PDLIM5: variants seen among roughly 807,000 people sequenced by gnomAD.
PDLIM5 encodes PDZ and LIM domain protein 5.
In PDLIM5, 34 loss-of-function variants were observed where a neutral mutation model predicts 64.2. That is an observed-to-expected ratio of 0.53 (90% CI 0.40 to 0.71). PDLIM5 has a LOEUF of 0.71. Among genes scored for constraint, PDLIM5 ranks in the 30% least tolerant of loss-of-function variants. The pLI is 0.00. For missense variants in PDLIM5, 683 were observed against 733.6 expected (o/e 0.93, Z 0.80); for synonymous variants, 253 against 269.1 (o/e 0.94, Z 0.59).
intron 7 of PDLIM5, chr4:94,608,154 C>A: frequency 6.5e-7 from 1 of 1,530,844 alleles, no homozygotes; most frequent in Non-Finnish European, 8.8e-7. Flanking sequence ...GCCACACTTT[C>A]TAAAGTAGCA....
intron 5 of PDLIM5, 72 bp from the exon 6 acceptor site, chr4:94,585,493 T>G: frequency 1.2e-6 from 1 of 843,156 alleles, no homozygotes; most frequent in Non-Finnish European, 1.7e-6. Flanking sequence ...TTATAAATAA[T>G]TTAGTAGAAG....
chr4:94,594,529 A>G (rs893731205), intron 7 of PDLIM5, among the ~76,000 whole-genome samples: 5 of 152,094 alleles, frequency 3.3e-5, no homozygotes, highest in Non-Finnish European at 5.9e-5. Flanking sequence ...TTAATAATAT[A>G]TGGCCTACCA....
intron 3 of PDLIM5, among the ~76,000 whole-genome samples, chr4:94,572,157 TA>T (rs1421266755): frequency 6.6e-6 from 1 of 152,162 alleles, no homozygotes; most frequent in Non-Finnish European, 1.5e-5. Context: ...GCTCATGGTT[TA>T]TAGCTTAAAA....
intron 8 of PDLIM5, among the ~76,000 whole-genome samples, chr4:94,621,675 A>G (rs1195709022): frequency 6.6e-6 from 1 of 152,194 alleles, no homozygotes; most frequent in African/African-American, 2.4e-5. Context: ...TGGCGAATAT[A>G]GTACAGCAAA....
At chr4:94,589,558 T>C (rs1203431386) in intron 7 of PDLIM5, among the ~76,000 whole-genome samples, 5 of 152,162 alleles carry the variant, frequency 3.3e-5, no homozygotes, top group Non-Finnish European at 5.9e-5. Context: ...TAGCCAAAAA[T>C]TATAAAAGCT....
At chr4:94,567,903 C>G (rs765282466) in intron 3 of PDLIM5, among the ~76,000 whole-genome samples, 2 of 152,214 alleles carry the variant, frequency 1.3e-5, no homozygotes, top group African/African-American at 2.4e-5. Flanking sequence ...TATGGAAGTT[C>G]AGATGGATCA....
chr4:94,665,982 A>AACAG lies in PDLIM5; in HGVS notation c.*1917_*1920dup. The AACAG allele has an allele frequency of 8.5e-6, 13 of 1,532,862 alleles. No homozygotes were observed. The highest frequency in any genetic ancestry group is 1.0e-5 in the Non-Finnish European group (12 of 1,145,072). 95.0% of individuals were successfully genotyped at this position (1,532,862 alleles called of 1,614,324 possible). ...CCTGTTGCTATTTGCCCAGTGAGAA[A>AACAG]ACAGATTCTGGTATTTGATTTGGTT... On this transcript the variant is annotated 3_prime_UTR_variant, in exon 13 of 13. Transcript: ENST00000317968.
At chr4:94,499,537 A>C (rs1026730391) in intron 2 of PDLIM5, among the ~76,000 whole-genome samples, 3 of 152,238 alleles carry the variant, frequency 2.0e-5, no homozygotes, top group Non-Finnish European at 4.4e-5. Context: ...AACAGTTTAC[A>C]TAGCATTTAC....
chr4:94,525,354 G>A (rs1023229120), intron 3 of PDLIM5, among the ~76,000 whole-genome samples: 1 of 152,094 alleles, frequency 6.6e-6, no homozygotes. Context: ...AGAGGTGGAG[G>A]TTGCAGTGAG....
intron 9 of PDLIM5, among the ~76,000 whole-genome samples, 196 bp from the exon 10 acceptor site, chr4:94,654,264 G>A (rs757634956): frequency 2.0e-5 from 3 of 152,106 alleles, no homozygotes; most frequent in Non-Finnish European, 4.4e-5. Context: ...TTAAGTGCAC[G>A]TCTCCCGTTT....
At chr4:94,552,355 G>A (rs1340841142) in intron 3 of PDLIM5, among the ~76,000 whole-genome samples, 3 of 151,984 alleles carry the variant, frequency 2.0e-5, no homozygotes, top group Admixed American at 6.6e-5. Context: ...AAAGAAATGT[G>A]GGCAACATTC....
chr4:94,456,199 TAC>T (rs943096803), intron 2 of PDLIM5: 3 of 460,830 alleles, frequency 6.5e-6, no homozygotes, highest in African/African-American at 2.0e-5. Context: ...TGGCATATTA[TAC>T]ACACAGTTTT....
intron 2 of PDLIM5, among the ~76,000 whole-genome samples, chr4:94,507,846 C>T (rs1005599928): frequency 1.3e-5 from 2 of 152,208 alleles, no homozygotes; most frequent in African/African-American, 4.8e-5. Flanking sequence ...GAGGATGAAT[C>T]AGCAGACAGT....
intron 5 of PDLIM5, among the ~76,000 whole-genome samples, chr4:94,578,350 A>C (rs1018303005): frequency 6.6e-6 from 1 of 152,216 alleles, no homozygotes; most frequent in Admixed American, 6.5e-5. Flanking sequence ...AGTGTTTATT[A>C]AGCACATGCC....
chr4:94,580,570 C>T (rs1735648027), intron 5 of PDLIM5, among the ~76,000 whole-genome samples: 2 of 151,828 alleles, frequency 1.3e-5, no homozygotes, highest in East Asian at 3.9e-4. Flanking sequence ...GGGAGAATGG[C>T]GTTTGGAAAA....
chr4:94,468,575 T>C (rs530369044), intron 2 of PDLIM5, among the ~76,000 whole-genome samples: 1 of 152,348 alleles, frequency 6.6e-6, no homozygotes, highest in South Asian at 2.1e-4. Context: ...ATATGGAGAT[T>C]AGGAGAGCCT....
intron 2 of PDLIM5, among the ~76,000 whole-genome samples, chr4:94,476,456 A>G (rs191703553): frequency 5.9e-5 from 9 of 152,324 alleles, no homozygotes; most frequent in Admixed American, 2.0e-4. Flanking sequence ...TTGAAACTGC[A>G]TAGGAAACAA....
intron 2 of PDLIM5, among the ~76,000 whole-genome samples, chr4:94,512,531 G>T (rs1203823795): frequency 6.6e-6 from 1 of 152,124 alleles, no homozygotes; most frequent in Non-Finnish European, 1.5e-5. Context: ...TCAGTGTTGA[G>T]CACCTTTTCA....
intron 7 of PDLIM5, among the ~76,000 whole-genome samples, chr4:94,591,327 A>G (rs1057461792): frequency 6.6e-6 from 1 of 152,196 alleles, no homozygotes. Flanking sequence ...GCAGCAAGTG[A>G]TAAATTCTGG....
Sources: allele counts gnomAD v4.1 joint callset (sites outside exome capture counted in the v4.1 genomes callset), GRCh38; gene constraint gnomAD v4.1.1; transcripts MANE v1.5; gene names NCBI Gene and HGNC (gene_info 2026-07-23, HGNC 2026-07-21).